ADGRB3: variants seen among roughly 807,000 people sequenced by gnomAD.
The protein encoded by ADGRB3 is brain-specific angiogenesis inhibitor 3.
In ADGRB3, 37 loss-of-function variants were observed where a neutral mutation model predicts 193.4. That is an observed-to-expected ratio of 0.19 (90% CI 0.15 to 0.25). The LOEUF (loss-of-function observed/expected upper bound fraction) is 0.25, where lower values mean the gene tolerates loss of function less well. Among genes scored for constraint, ADGRB3 ranks in the 10% least tolerant of loss-of-function variants. The pLI, the probability that ADGRB3 is intolerant of heterozygous loss-of-function variation, is 1.00. For missense variants in ADGRB3, 1,637 were observed against 1,852.9 expected (o/e 0.88, Z 2.14); for synonymous variants, 690 against 644.2 (o/e 1.07, Z -1.08).
At chr6:68,775,499 T>C (rs1766729502) in intron 3 of ADGRB3, among the ~76,000 whole-genome samples, 1 of 152,082 alleles carries the variant, frequency 6.6e-6, no homozygotes, top group Non-Finnish European at 1.5e-5. Context: ...GGCCAGAAAA[T>C]GTTTTCATGC....
chr6:68,988,998 G>T (rs992565031), intron 10 of ADGRB3, among the ~76,000 whole-genome samples: 1 of 152,110 alleles, frequency 6.6e-6, no homozygotes, highest in Non-Finnish European at 1.5e-5. Flanking sequence ...CCAGTGAACT[G>T]CCTGAAGGCT....
chr6:68,677,885 A>G (rs967375154), intron 3 of ADGRB3, among the ~76,000 whole-genome samples: 3 of 152,176 alleles, frequency 2.0e-5, no homozygotes, highest in African/African-American at 7.2e-5. Context: ...AGGACTTTCA[A>G]GTTATGATCA....
At chr6:68,988,164 A>G (rs766027365) in intron 10 of ADGRB3, among the ~76,000 whole-genome samples, 1 of 152,166 alleles carries the variant, frequency 6.6e-6, no homozygotes, top group Non-Finnish European at 1.5e-5. Context: ...ACAAAGATGA[A>G]GAAGAAACTA....
intron 3 of ADGRB3, among the ~76,000 whole-genome samples, chr6:68,658,515 A>C (rs1006958908): frequency 6.6e-6 from 1 of 151,206 alleles, no homozygotes; most frequent in South Asian, 2.1e-4. Flanking sequence ...AACCAAGCCT[A>C]TTGCTCAAAG....
chr6:68,780,727 C>T (rs1766836548), intron 3 of ADGRB3, among the ~76,000 whole-genome samples: 1 of 151,874 alleles, frequency 6.6e-6, no homozygotes, highest in African/African-American at 2.4e-5. Context: ...TTAGATTATC[C>T]AGAAGTTGTA....
chr6:68,965,658 C>T, intron 8 of ADGRB3, among the ~76,000 whole-genome samples: 1 of 152,078 alleles, frequency 6.6e-6, no homozygotes, highest in East Asian at 1.9e-4. Flanking sequence ...CTTTAAGGGG[C>T]ATGCTAACTA....
chr6:69,366,725 C>T (rs1410209777), intron 29 of ADGRB3, among the ~76,000 whole-genome samples: 1 of 152,082 alleles, frequency 6.6e-6, no homozygotes, highest in African/African-American at 2.4e-5. Flanking sequence ...AGTCTACCTG[C>T]TTAAACAAAT....
chr6:68,803,367 T>C (rs1017301633), intron 3 of ADGRB3, among the ~76,000 whole-genome samples: 1 of 152,176 alleles, frequency 6.6e-6, no homozygotes, highest in Non-Finnish European at 1.5e-5. Context: ...ACCATTTTTT[T>C]CAACCCTCCA....
chr6:68,825,132 C>T (rs997160761), intron 3 of ADGRB3, among the ~76,000 whole-genome samples: 4 of 152,126 alleles, frequency 2.6e-5, no homozygotes, highest in Non-Finnish European at 4.4e-5. Flanking sequence ...GCTGAGATTA[C>T]AGACTTGAGC....
At chr6:69,295,283 G>A (rs1388788779) in intron 20 of ADGRB3, among the ~76,000 whole-genome samples, 1 of 152,178 alleles carries the variant, frequency 6.6e-6, no homozygotes, top group Non-Finnish European at 1.5e-5. Context: ...GATTTCTAAA[G>A]TCATCATCAT....
At chr6:69,387,757 G>A (rs959070070) in intron 31 of ADGRB3, among the ~76,000 whole-genome samples, 6 of 152,004 alleles carry the variant, frequency 3.9e-5, no homozygotes, top group African/African-American at 1.4e-4. Context: ...AGTTTCAGAT[G>A]ATGTTTAATA....
intron 3 of ADGRB3, among the ~76,000 whole-genome samples, chr6:68,729,182 C>G (rs891853986): frequency 6.6e-6 from 1 of 151,604 alleles, no homozygotes; most frequent in Non-Finnish European, 1.5e-5. Context: ...CCCTGTTGCC[C>G]TTCTCTGGGC....
At chr6:69,177,191 TA>T (rs1775450138) in intron 17 of ADGRB3, among the ~76,000 whole-genome samples, 1 of 152,142 alleles carries the variant, frequency 6.6e-6, no homozygotes, top group African/African-American at 2.4e-5. Flanking sequence ...CTTGTTTTTC[TA>T]GTTCTTCTGG....
intron 3 of ADGRB3, among the ~76,000 whole-genome samples, chr6:68,876,854 T>A (rs548966422): frequency 2.0e-5 from 3 of 152,136 alleles, no homozygotes; most frequent in Non-Finnish European, 4.4e-5. Flanking sequence ...TTTTTATTGA[T>A]GGTTTTAACT....
At chr6:69,199,271 G>T (rs1383589026) in intron 17 of ADGRB3, among the ~76,000 whole-genome samples, 1 of 152,112 alleles carries the variant, frequency 6.6e-6, no homozygotes. Context: ...AAGTATTTTA[G>T]CTGAGAAGGA....
chr6:68,988,532 C>T (rs1206356451), intron 10 of ADGRB3, among the ~76,000 whole-genome samples: 1 of 152,052 alleles, frequency 6.6e-6, no homozygotes, highest in East Asian at 1.9e-4. Context: ...ATAATGACTT[C>T]TGCATAAACT....
intron 20 of ADGRB3, among the ~76,000 whole-genome samples, chr6:69,244,072 T>C (rs1766438908): frequency 6.6e-6 from 1 of 152,110 alleles, no homozygotes; most frequent in African/African-American, 2.4e-5. Context: ...AACATTTTCT[T>C]AGCATTATTT....
At chr6:69,263,435 T>A (rs1161370962) in intron 20 of ADGRB3, among the ~76,000 whole-genome samples, 1 of 152,016 alleles carries the variant, frequency 6.6e-6, no homozygotes, top group African/African-American at 2.4e-5. Context: ...CACAAGAAAG[T>A]TGATGACTCA....
intron 3 of ADGRB3, among the ~76,000 whole-genome samples, chr6:68,733,840 G>A (rs1765822555): frequency 6.6e-6 from 1 of 151,926 alleles, no homozygotes; most frequent in Non-Finnish European, 1.5e-5. Flanking sequence ...GTGTAAGAAT[G>A]TACATGACAA....
Sources: gnomAD v4.1 joint callset for allele counts (sites outside exome capture counted in the v4.1 genomes callset) on GRCh38, gnomAD v4.1.1 for gene constraint, MANE v1.5 for transcripts, NCBI Gene and HGNC (gene_info 2026-07-23, HGNC 2026-07-21) for gene names.